The following COX10 variants were observed in gnomAD, a reference collection of about 807,000 sequenced individuals.
COX10 encodes the protein cytochrome c oxidase assembly factor heme A:farnesyltransferase COX10.
A neutral mutation model predicts 37.3 loss-of-function variants in COX10; 27 were observed. The observed-to-expected ratio is 0.72, with a 90% CI of 0.53 to 1.00. The LOEUF (loss-of-function observed/expected upper bound fraction) is 1.00. Ranked by LOEUF, COX10 falls within the 50% of genes least tolerant of loss-of-function variation. The pLI is 0.00. For missense variants in COX10, 475 were observed against 563.2 expected (o/e 0.84, Z 1.59); for synonymous variants, 222 against 229.1 (o/e 0.97, Z 0.28).
chr17:14,197,853 A>G (rs1906414619), intron 6 of COX10, among the ~76,000 whole-genome samples: 1 of 152,240 alleles, frequency 6.6e-6, no homozygotes, highest in Non-Finnish European at 1.5e-5. Flanking sequence ...TTCTGTGCAC[A>G]GGAAATAACT....
intron 4 of COX10, among the ~76,000 whole-genome samples, chr17:14,116,854 G>A (rs1409349990): frequency 6.6e-6 from 1 of 152,066 alleles, no homozygotes; most frequent in Non-Finnish European, 1.5e-5. Context: ...CATCCAGAGC[G>A]ATCTTCTGGA....
At chr17:14,077,095 C>CT (rs1365712772) in intron 3 of COX10, 39 bp downstream of exon 3, 8 of 1,595,042 alleles carry the variant, frequency 5.0e-6, no homozygotes, top group South Asian at 2.2e-5. Context: ...ATTTGAAACT[C>CT]TATCTTTAGT....
intron 4 of COX10, among the ~76,000 whole-genome samples, chr17:14,109,519 T>A (rs1217949913): frequency 2.0e-5 from 3 of 152,204 alleles, no homozygotes; most frequent in Admixed American, 2.0e-4. Context: ...CATTATTCGC[T>A]TCTTAATGAT....
At chr17:14,135,784 G>A (rs965313770) in intron 4 of COX10, among the ~76,000 whole-genome samples, 1 of 151,804 alleles carries the variant, frequency 6.6e-6, no homozygotes, top group Non-Finnish European at 1.5e-5. Context: ...AGTAATACCT[G>A]TGCTCTGCAA....
intron 6 of COX10, among the ~76,000 whole-genome samples, chr17:14,193,082 T>A (rs1468745211): frequency 6.6e-6 from 1 of 152,248 alleles, no homozygotes; most frequent in Admixed American, 6.5e-5. Context: ...AATGTCAGAT[T>A]TTAATGAATC....
At chr17:14,119,869 C>T (rs1415390089) in intron 4 of COX10, among the ~76,000 whole-genome samples, 6 of 152,048 alleles carry the variant, frequency 3.9e-5, no homozygotes, top group Admixed American at 3.9e-4. Context: ...ATTAGGAAAC[C>T]ATTGTCATGC....
intron 4 of COX10, among the ~76,000 whole-genome samples, chr17:14,158,121 G>C (rs1905082797): frequency 6.6e-6 from 1 of 151,926 alleles, no homozygotes; most frequent in Non-Finnish European, 1.5e-5. Context: ...CTCACTGTGG[G>C]TAACTACTCA....
chr17:14,095,801 C>T (rs959267220), intron 3 of COX10, among the ~76,000 whole-genome samples: 1 of 152,186 alleles, frequency 6.6e-6, no homozygotes, highest in African/African-American at 2.4e-5. Flanking sequence ...TAGCTGCCAG[C>T]ATGGCTTGCT....
intron 4 of COX10, among the ~76,000 whole-genome samples, chr17:14,153,482 A>G (rs1904959344): frequency 1.3e-5 from 2 of 152,242 alleles, no homozygotes; most frequent in African/African-American, 2.4e-5. Context: ...AGAAAAAAGC[A>G]TTTATAACTG....
chr17:14,152,743 T>C (rs1404533460), intron 4 of COX10, among the ~76,000 whole-genome samples: 3 of 152,208 alleles, frequency 2.0e-5, no homozygotes, highest in African/African-American at 7.2e-5. Flanking sequence ...TTGCCACTTC[T>C]AAACATCGGA....
intron 4 of COX10, 108 bp from the exon 5 acceptor site, chr17:14,159,769 A>T (rs900220388): frequency 1.9e-5 from 16 of 823,966 alleles, no homozygotes; most frequent in African/African-American, 1.4e-4. Flanking sequence ...GATTTATGCT[A>T]TCGAAATTAA....
chr17:14,137,402 C>G (rs546293107), intron 4 of COX10, among the ~76,000 whole-genome samples: 20 of 151,610 alleles, frequency 1.3e-4, no homozygotes, highest in Non-Finnish European at 2.5e-4. Context: ...GTTTTTGAGT[C>G]TTAAATGAGA....
chr17:14,095,129 A>G (rs1915615742), intron 3 of COX10, among the ~76,000 whole-genome samples: 1 of 152,360 alleles, frequency 6.6e-6, no homozygotes, highest in East Asian at 1.9e-4. Flanking sequence ...CTTCTGTAGC[A>G]GAAGGGGTTG....
chr17:14,087,502 A>G (rs1915436182), intron 3 of COX10, among the ~76,000 whole-genome samples: 1 of 152,128 alleles, frequency 6.6e-6, no homozygotes, highest in South Asian at 2.1e-4. Context: ...CTCATTGTGT[A>G]TCGGTTGAAC....
chr17:14,102,383 G>C, intron 4 of COX10, 141 bp downstream of exon 4: 1 of 1,293,888 alleles, frequency 7.7e-7, no homozygotes, highest in Non-Finnish European at 1.1e-6. Flanking sequence ...GGAGCCTGTG[G>C]GTTTCATAAC....
intron 6 of COX10, among the ~76,000 whole-genome samples, chr17:14,194,475 G>A (rs1043498166): frequency 4.6e-5 from 7 of 152,296 alleles, no homozygotes; most frequent in African/African-American, 1.7e-4. Context: ...CGCCCAGGCT[G>A]GAGTGCAGTG....
chr17:14,102,457 T>G (rs1915806439), intron 4 of COX10, among the ~76,000 whole-genome samples: 2 of 152,156 alleles, frequency 1.3e-5, no homozygotes, highest in African/African-American at 4.8e-5. Context: ...AGCAGTAGAT[T>G]AGATGCTTCA....
At chr17:14,119,180 C>T (rs1370518086) in intron 4 of COX10, among the ~76,000 whole-genome samples, 7 of 152,118 alleles carry the variant, frequency 4.6e-5, no homozygotes, top group Non-Finnish European at 1.0e-4. Context: ...GTAGTATCTA[C>T]AGACTTGATG....
intron 4 of COX10, among the ~76,000 whole-genome samples, 157 bp downstream of exon 4, chr17:14,102,399 T>C (rs901725468): frequency 2.0e-5 from 3 of 152,192 alleles, no homozygotes; most frequent in African/African-American, 7.2e-5. Context: ...ATAACCAATT[T>C]GTCTTTTCTT....
Sources: allele counts gnomAD v4.1 joint callset (sites outside exome capture counted in the v4.1 genomes callset), GRCh38; gene constraint gnomAD v4.1.1; transcripts MANE v1.5; gene names NCBI Gene and HGNC (gene_info 2026-07-23, HGNC 2026-07-21).